Variants in RIMBP2 observed in about 807,000 individuals in gnomAD.
RIMBP2 encodes the protein RIMS binding protein 2.
Under a neutral mutation model 118.6 loss-of-function variants are expected in RIMBP2, and 48 were observed. The ratio of observed to expected loss-of-function variants is 0.40; its 90% CI spans 0.32 to 0.51. RIMBP2 has a LOEUF of 0.51. Among genes scored for constraint, RIMBP2 ranks in the 20% least tolerant of loss-of-function variants. The pLI is 0.41. For missense variants in RIMBP2, 1,551 were observed against 1,768.3 expected (o/e 0.88, Z 2.20); for synonymous variants, 762 against 742.9 (o/e 1.03, Z -0.42).
In RIMBP2 at chr12:130,646,456, C is replaced by CACCTCCCTCGCT. The variant is rs1476924734; in HGVS notation, c.-351-18012_-351-18001dup. ...CCACCTCCCTTGCCACCTCCCTCGC[C>CACCTCCCTCGCT]ACCTCCCTCGCTACCTCCCTCACTA... On this transcript the variant is annotated intron_variant, in intron 1 of 22. Transcript: ENST00000690449. Among the ~76,000 whole-genome samples, 18 of 127,392 alleles carry CACCTCCCTCGCT rather than the reference C, an allele frequency of 1.4e-4. 6 individuals carry two copies. Among genetic ancestry groups the CACCTCCCTCGCT allele is most frequent in the Admixed American group, 3.0e-4 (4 of 13,310 alleles). The allele number at this position is 127,392 out of a possible 152,430, so 83.6% of individuals were successfully genotyped here. A position where few individuals can be genotyped will look rare whatever the true frequency, so the allele number is the denominator to read the frequency against.
intron 5 of RIMBP2, among the ~76,000 whole-genome samples, chr12:130,476,260 G>A (rs77612413): frequency 4.6e-5 from 7 of 152,312 alleles, no homozygotes; most frequent in African/African-American, 1.7e-4. Context: ...TGTTGGGGGT[G>A]GGGTCCCGTG....
chr12:130,554,450 T>A (rs775221987), intron 2 of RIMBP2, among the ~76,000 whole-genome samples: 2 of 152,186 alleles, frequency 1.3e-5, no homozygotes, highest in Non-Finnish European at 2.9e-5. Flanking sequence ...TGAAACCTCA[T>A]GTTTGTGGTT....
chr12:130,692,941 G>A (rs546007972), intron 1 of RIMBP2, among the ~76,000 whole-genome samples: 2 of 144,940 alleles, frequency 1.4e-5, no homozygotes, highest in Admixed American at 7.1e-5. Flanking sequence ...GGATTGAACG[G>A]CTGGAATGGG....
At chr12:130,551,532 C>A (rs2055783585) in intron 2 of RIMBP2, among the ~76,000 whole-genome samples, 1 of 147,370 alleles carries the variant, frequency 6.8e-6, no homozygotes, top group Admixed American at 7.0e-5. Flanking sequence ...TAATTTTCTT[C>A]TTTGCCTGTT....
chr12:130,539,167 A>G (rs2054338269), intron 2 of RIMBP2, among the ~76,000 whole-genome samples: 1 of 152,176 alleles, frequency 6.6e-6, no homozygotes, highest in Non-Finnish European at 1.5e-5. Flanking sequence ...GAGAATATAT[A>G]CATACATATA....
chr12:130,605,252 G>T (rs1329034845), intron 2 of RIMBP2, among the ~76,000 whole-genome samples: 1 of 152,168 alleles, frequency 6.6e-6, no homozygotes, highest in East Asian at 1.9e-4. Context: ...GGTAGGTGTT[G>T]CAGTAGACTC....
chr12:130,485,232 C>T (rs1400759934), intron 4 of RIMBP2, among the ~76,000 whole-genome samples: 1 of 152,248 alleles, frequency 6.6e-6, no homozygotes, highest in Admixed American at 6.5e-5. Context: ...ATTTATTAAG[C>T]ACCTACTATA....
At chr12:130,461,428 G>A (rs545066145) in intron 6 of RIMBP2, among the ~76,000 whole-genome samples, 6 of 152,264 alleles carry the variant, frequency 3.9e-5, no homozygotes, top group South Asian at 2.1e-4. Flanking sequence ...CCGGTGCCTC[G>A]GCCCGGGTGC....
chr12:130,540,846 C>A (rs2054542026), intron 2 of RIMBP2, among the ~76,000 whole-genome samples: 1 of 152,126 alleles, frequency 6.6e-6, no homozygotes, highest in Non-Finnish European at 1.5e-5. Flanking sequence ...CTAGACCAAG[C>A]CCCTGGCATT....
chr12:130,468,419 G>A lies in RIMBP2; in HGVS notation c.153+2274C>T, dbSNP rs537536225. Among the ~76,000 whole-genome samples, 372 of 152,320 alleles carry A rather than the reference G, an allele frequency of 2.4e-3. 4 individuals are homozygous for A. The highest frequency in any genetic ancestry group is 8.2e-3 in the African/African-American group (340 of 41,578). Reference sequence around the variant, plus strand: ...GCCTGAGAAGCCACTTTGCTCACAAGCTCCTGGGCGCTGCTGCTGCCCCGG... The same window carrying A: ...GCCTGAGAAGCCACTTTGCTCACAAACTCCTGGGCGCTGCTGCTGCCCCGG... On this transcript the variant is annotated intron_variant, in intron 6 of 22. Transcript: ENST00000690449.
intron 2 of RIMBP2, among the ~76,000 whole-genome samples, chr12:130,570,803 G>A (rs1315873686): frequency 2.0e-5 from 3 of 152,220 alleles, no homozygotes; most frequent in African/African-American, 4.8e-5. Context: ...TGAACATGAT[G>A]ATGACTGGGA....
chr12:130,597,534 C>T (rs909241829), intron 2 of RIMBP2, among the ~76,000 whole-genome samples: 2 of 152,238 alleles, frequency 1.3e-5, no homozygotes, highest in African/African-American at 4.8e-5. Context: ...AGCCACCATG[C>T]CTGGCCAAGG....
At chr12:130,563,928 C>T (rs920086026) in intron 2 of RIMBP2, among the ~76,000 whole-genome samples, 2 of 151,006 alleles carry the variant, frequency 1.3e-5, no homozygotes, top group African/African-American at 4.9e-5. Context: ...CTGGGCTCTA[C>T]ATAACCTGGC....
chr12:130,466,912 C>T (rs559365381), intron 6 of RIMBP2, among the ~76,000 whole-genome samples: 1 of 152,320 alleles, frequency 6.6e-6, no homozygotes, highest in East Asian at 1.9e-4. Context: ...AATTCCTCTG[C>T]CTCCCTCTCA....
intron 6 of RIMBP2, chr12:130,470,323 G>C (rs751450372): frequency 5.2e-6 from 1 of 191,642 alleles, no homozygotes; most frequent in Non-Finnish European, 1.1e-5. Context: ...AAGGTCCACC[G>C]GCCTTTACCC....
chr12:130,560,927 G>A (rs1487695998), intron 2 of RIMBP2, among the ~76,000 whole-genome samples: 13 of 152,242 alleles, frequency 8.5e-5, no homozygotes, highest in African/African-American at 3.1e-4. Flanking sequence ...TAGAGTCATT[G>A]CAGATGTAGT....
intron 2 of RIMBP2, among the ~76,000 whole-genome samples, chr12:130,568,082 TCCCTCCATTCC>T (rs2057360579): frequency 6.6e-6 from 1 of 152,224 alleles, no homozygotes; most frequent in Non-Finnish European, 1.5e-5. Flanking sequence ...ACATCAGGTG[TCCCTCCATTCC>T]AGATTAGTTA....
chr12:130,509,763 AG>A (rs2050729949), intron 3 of RIMBP2, among the ~76,000 whole-genome samples: 1 of 147,212 alleles, frequency 6.8e-6, no homozygotes, highest in African/African-American at 2.6e-5. Flanking sequence ...CACCTTTGTT[AG>A]TACTTTCTTT....
At position 130,670,242 on chromosome 12, in the gene RIMBP2, G is replaced by C. The variant is rs550144884; in HGVS notation, c.-351-41786C>G. Among the ~76,000 whole-genome samples the C allele has an allele frequency of 6.6e-6, 1 of 151,884 alleles. No individual in the cohort carries two copies. Among genetic ancestry groups the C allele is most frequent in the Non-Finnish European group, 1.5e-5 (1 of 67,964 alleles). On this transcript the variant is annotated intron_variant, in intron 1 of 22. Coordinates refer to ENST00000690449, the MANE Select transcript of RIMBP2 (RefSeq NM_001393629.1). The surrounding 1 kb of genome is among the most constrained non-coding windows in gnomAD (Gnocchi z 4.9). ...ACAGCCCCGCCGACACCATGATCCC[G>C]GCCCCAGGACCTCAGACTTCCGATC...
Sources: allele counts gnomAD v4.1 joint callset (sites outside exome capture counted in the v4.1 genomes callset), GRCh38; gene constraint gnomAD v4.1.1; non-coding constraint Gnocchi (gnomAD v3.1); transcripts MANE v1.5; gene names NCBI Gene and HGNC (gene_info 2026-07-23, HGNC 2026-07-21).